SLC5A4: variants seen among roughly 807,000 people sequenced by gnomAD.
SLC5A4 encodes the protein probable glucose sensor protein SLC5A4.
Under a neutral mutation model 70.3 loss-of-function variants are expected in SLC5A4, and 55 were observed. The observed-to-expected ratio is 0.78, with a 90% CI of 0.63 to 0.98. The LOEUF (loss-of-function observed/expected upper bound fraction) is 0.98. SLC5A4 is among the 50% of genes least tolerant of loss of function. The pLI is 0.00. For missense variants in SLC5A4, 735 were observed against 839.2 expected (o/e 0.88, Z 1.53); for synonymous variants, 268 against 305.7 (o/e 0.88, Z 1.29).
chr22:32,327,811 C>T, the SLC5A4 span, among the ~76,000 whole-genome samples: 1 of 152,178 alleles, frequency 6.6e-6, no homozygotes, highest in African/African-American at 2.4e-5. Flanking sequence ...GACACAGATG[C>T]AGCAAGGTCC....
At chr22:32,299,560 A>AT in the SLC5A4 span, among the ~76,000 whole-genome samples, 20 of 102,028 alleles carry the variant, frequency 2.0e-4, 1 homozygote, top group Admixed American at 7.3e-4. Flanking sequence ...ATTCTTCTAA[A>AT]TTTTTTTCAA....
At chr22:32,331,200 G>T in the SLC5A4 span, among the ~76,000 whole-genome samples, 1 of 132,884 alleles carries the variant, frequency 7.5e-6, no homozygotes, top group Admixed American at 7.6e-5. Context: ...GGGCTCTGGT[G>T]TGTGTATTGG....
the SLC5A4 span, among the ~76,000 whole-genome samples, chr22:32,335,555 G>A: frequency 8.5e-5 from 13 of 152,162 alleles, no homozygotes; most frequent in Non-Finnish European, 1.8e-4. Context: ...CTTGCCAGGT[G>A]GAGCTCATTT....
chr22:32,249,372 G>T (rs906341718), intron 3 of SLC5A4, among the ~76,000 whole-genome samples: 3 of 152,170 alleles, frequency 2.0e-5, no homozygotes, highest in Non-Finnish European at 4.4e-5. Context: ...CACAGTGACA[G>T]GGGGAGCAGC....
the SLC5A4 span, among the ~76,000 whole-genome samples, chr22:32,297,186 T>C: frequency 6.6e-6 from 1 of 151,758 alleles, no homozygotes; most frequent in South Asian, 2.1e-4. Flanking sequence ...TTAGGGAGGA[T>C]TCCCTCTTTT....
chr22:32,232,354 T>C (rs555186212), intron 9 of SLC5A4, among the ~76,000 whole-genome samples: 11 of 152,368 alleles, frequency 7.2e-5, no homozygotes, highest in East Asian at 5.8e-4. Flanking sequence ...GATTTGGTTA[T>C]ATTTCCTTCA....
chr22:32,283,219 A>G, the SLC5A4 span, among the ~76,000 whole-genome samples: 1 of 152,190 alleles, frequency 6.6e-6, no homozygotes, highest in Non-Finnish European at 1.5e-5. Context: ...CCAACCTGCC[A>G]GGCACACACC....
the SLC5A4 span, chr22:32,272,969 T>A: frequency 3.7e-6 from 2 of 539,474 alleles, no homozygotes; most frequent in Admixed American, 4.5e-5. Context: ...AATGCTGTGC[T>A]GCAAGCTGCA....
intron 7 of SLC5A4, 60 bp from the exon 8 acceptor site, chr22:32,235,153 A>G: frequency 8.0e-7 from 1 of 1,251,836 alleles, no homozygotes; most frequent in South Asian, 1.3e-5. Context: ...TCCAATGTTT[A>G]TGATGACTAC....
At chr22:32,316,932 C>CCCTGTGTGTGTGTGTGTG in the SLC5A4 span, among the ~76,000 whole-genome samples, 2 of 67,404 alleles carry the variant, frequency 3.0e-5, no homozygotes, top group East Asian at 1.1e-3. Context: ...TAATTAACAA[C>CCCTGTGTGTGTGTGTGTG]TCTGTGTGTG....
At chr22:32,304,953 T>C in the SLC5A4 span, among the ~76,000 whole-genome samples, 1 of 152,190 alleles carries the variant, frequency 6.6e-6, no homozygotes, top group Non-Finnish European at 1.5e-5. Flanking sequence ...AATGTCCACT[T>C]GTTCCAGCAC....
At chr22:32,349,239 C>T in the SLC5A4 span, among the ~76,000 whole-genome samples, 31 of 135,526 alleles carry the variant, frequency 2.3e-4, no homozygotes, top group African/African-American at 8.2e-4. Flanking sequence ...TCCCAAGGTG[C>T]TGGGATTACA....
chr22:32,298,476 C>T, the SLC5A4 span, among the ~76,000 whole-genome samples: 220 of 99,870 alleles, frequency 2.2e-3, 15 homozygotes, highest in Middle Eastern at 4.3e-3. Context: ...AGGATTGCAA[C>T]CCCTGCCTTT....
the SLC5A4 span, among the ~76,000 whole-genome samples, chr22:32,321,101 C>G: frequency 6.6e-6 from 1 of 152,344 alleles, no homozygotes. Context: ...GCCTGACCAA[C>G]ATGTTGAAAC....
At chr22:32,269,052 C>T in the SLC5A4 span, among the ~76,000 whole-genome samples, 21 of 152,084 alleles carry the variant, frequency 1.4e-4, no homozygotes, top group African/African-American at 5.1e-4. The surrounding 1 kb of genome is among the most constrained non-coding windows in gnomAD (Gnocchi z 4.1). Flanking sequence ...GCCACCACAC[C>T]GGGCTAATTT....
chr22:32,353,846 G>T, the SLC5A4 span, among the ~76,000 whole-genome samples: 3 of 150,632 alleles, frequency 2.0e-5, no homozygotes, highest in Non-Finnish European at 4.4e-5. Context: ...CCTGCTGGGG[G>T]CAGTAATGCC....
the SLC5A4 span, among the ~76,000 whole-genome samples, chr22:32,307,318 A>G: frequency 6.6e-6 from 1 of 152,190 alleles, no homozygotes; most frequent in Non-Finnish European, 1.5e-5. Flanking sequence ...GCTGTTGGCC[A>G]GGGGTTTGGA....
At chr22:32,234,214 G>C (rs1925927855) in intron 8 of SLC5A4, among the ~76,000 whole-genome samples, 1 of 152,206 alleles carries the variant, frequency 6.6e-6, no homozygotes, top group South Asian at 2.1e-4. Flanking sequence ...TTTATTCCTA[G>C]TGAGCTCCAA....
chr22:32,254,813 A>G (rs1569385040), intron 1 of SLC5A4, among the ~76,000 whole-genome samples: 3 of 152,164 alleles, frequency 2.0e-5, no homozygotes, highest in Non-Finnish European at 4.4e-5. Flanking sequence ...CAAAAAAAAA[A>G]AAAATTTGCA....
Sources: allele counts gnomAD v4.1 joint callset (sites outside exome capture counted in the v4.1 genomes callset), GRCh38; gene constraint gnomAD v4.1.1; non-coding constraint Gnocchi (gnomAD v3.1); transcripts MANE v1.5; gene names NCBI Gene and HGNC (gene_info 2026-07-23, HGNC 2026-07-21).